The following DMD variants were observed in gnomAD, a reference collection of about 807,000 sequenced individuals.
DMD encodes mutant dystrophin.
A neutral mutation model predicts 330.1 loss-of-function variants in DMD; 63 were observed. That is an observed-to-expected ratio of 0.19 (90% confidence interval 0.16 to 0.24). The LOEUF (loss-of-function observed/expected upper bound fraction) is 0.24, where lower values mean the gene tolerates loss of function less well. Among genes scored for constraint, DMD ranks in the 10% least tolerant of loss-of-function variants. The pLI, the probability that DMD is intolerant of heterozygous loss-of-function variation, is 1.00. For synonymous variants in DMD, 1,223 were observed against 959.8 expected, an observed-to-expected ratio of 1.27 and a Z score of -5.07; for missense variants, 3,344 against 2,684.1, an observed-to-expected ratio of 1.25 and a Z score of -5.43.
At chrX:32,306,936 G>A (rs1255585734) in intron 42 of DMD, among the ~76,000 whole-genome samples, 1 of 110,998 alleles carries the variant, frequency 9.0e-6, no homozygotes, top group East Asian at 2.8e-4. Flanking sequence ...TCTTATTTTT[G>A]TCCTAAAAAT....
chrX:33,246,127 C>T (rs2052659676), intron 1 of DMD, among the ~76,000 whole-genome samples: 1 of 112,184 alleles, frequency 8.9e-6, no homozygotes, highest in Non-Finnish European at 1.9e-5. Context: ...GATAGATGCT[C>T]AATTATGAAT....
chrX:31,480,390 T>C (rs968762285), intron 57 of DMD, among the ~76,000 whole-genome samples: 2 of 111,755 alleles, frequency 1.8e-5, no homozygotes, highest in African/African-American at 6.5e-5. Context: ...ACCAAAATAC[T>C]GGAGTTCTGT....
rs756086514 is a variant in DMD at position 33,065,506 on chromosome X, AT to A, written c.32-45307del. Among the ~76,000 whole-genome samples the A allele has an allele frequency of 5.3e-5, 6 of 112,590 alleles. No homozygotes were observed. The South Asian group carries it at 2.2e-3, about 41-fold the overall frequency. ...AAGCACTTTAGTAGATAAAAAGGAC[AT>A]TTTTGTATCACTTAAAACATTAGGA... is the stretch of plus-strand genomic sequence containing the variant. On this transcript the variant is annotated intron_variant, in intron 1 of 78. Coordinates refer to ENST00000357033, the MANE Select transcript of DMD (RefSeq NM_004006.3).
intron 44 of DMD, among the ~76,000 whole-genome samples, chrX:32,213,969 CA>C (rs1220301857): frequency 9.8e-4 from 93 of 95,218 alleles, no homozygotes; most frequent in South Asian, 1.8e-3. Flanking sequence ...AATTCCATCT[CA>C]AAAAAAAAAA....
chrX:31,189,004 G>A (rs975054092), intron 67 of DMD, among the ~76,000 whole-genome samples: 7 of 110,103 alleles, frequency 6.4e-5, no homozygotes, highest in Admixed American at 2.9e-4. Context: ...CTGGGGTTCC[G>A]AAGAACTTTT....
intron 1 of DMD, among the ~76,000 whole-genome samples, chrX:33,027,276 G>A (rs1448413069): frequency 4.5e-5 from 5 of 111,810 alleles, no homozygotes; most frequent in African/African-American, 9.8e-5. Context: ...GACTTGGTCC[G>A]AGGTGGCTGG....
At chrX:32,746,209 C>T (rs1053820353) in intron 7 of DMD, among the ~76,000 whole-genome samples, 1 of 112,073 alleles carries the variant, frequency 8.9e-6, no homozygotes, top group South Asian at 3.7e-4. Flanking sequence ...CAGAGAATTC[C>T]ATTCCTAACC....
At chrX:32,575,744 C>T (rs1428660379) in intron 13 of DMD, among the ~76,000 whole-genome samples, 2 of 111,593 alleles carry the variant, frequency 1.8e-5, no homozygotes, top group Non-Finnish European at 3.8e-5. Flanking sequence ...TAAACTACAC[C>T]ATCTACCTGA....
chrX:31,747,397 G>A (rs542692265), intron 51 of DMD, among the ~76,000 whole-genome samples: 1 of 111,782 alleles, frequency 8.9e-6, no homozygotes, highest in Admixed American at 9.6e-5. Flanking sequence ...GAGCACAGTG[G>A]CCTTTAACTC....
intron 1 of DMD, among the ~76,000 whole-genome samples, chrX:33,204,615 C>T (rs933190338): frequency 9.0e-6 from 1 of 111,452 alleles, no homozygotes; most frequent in Admixed American, 9.6e-5. Flanking sequence ...ATTTAATATG[C>T]ACATCCTCCT....
chrX:32,732,508 G>A (rs1266433241), intron 7 of DMD, among the ~76,000 whole-genome samples: 1 of 111,247 alleles, frequency 9.0e-6, no homozygotes, highest in Admixed American at 9.5e-5. Flanking sequence ...AGGGCAGCCA[G>A]AGAGAAAGGT....
chrX:31,587,613 T>C (rs1323611410), intron 55 of DMD, among the ~76,000 whole-genome samples: 1 of 111,832 alleles, frequency 8.9e-6, no homozygotes, highest in Admixed American at 9.5e-5. Flanking sequence ...TGGCAGTGAA[T>C]GTATTTTTTT....
intron 21 of DMD, among the ~76,000 whole-genome samples, chrX:32,473,039 G>T (rs146544735): frequency 9.0e-6 from 1 of 110,643 alleles, no homozygotes; most frequent in East Asian, 2.8e-4. Context: ...AAGTTTATAC[G>T]TTTTAAAGTA....
At chrX:32,721,045 A>G (rs1429458139) in intron 7 of DMD, among the ~76,000 whole-genome samples, 1 of 110,098 alleles carries the variant, frequency 9.1e-6, no homozygotes, top group African/African-American at 3.4e-5. Flanking sequence ...AAATGGCACT[A>G]TCTTTTGTGA....
intron 60 of DMD, among the ~76,000 whole-genome samples, chrX:31,427,316 C>A (rs1169495046): frequency 9.0e-6 from 1 of 111,266 alleles, no homozygotes; most frequent in Non-Finnish European, 1.9e-5. Flanking sequence ...AGTCTAAGCT[C>A]AAATGTCACC....
At chrX:33,005,864 C>T (rs980885393) in intron 2 of DMD, among the ~76,000 whole-genome samples, 1 of 110,575 alleles carries the variant, frequency 9.0e-6, no homozygotes, top group Non-Finnish European at 1.9e-5. Flanking sequence ...CTGAAAGAAT[C>T]GAAAAATAAC....
intron 41 of DMD, among the ~76,000 whole-genome samples, chrX:32,339,861 A>C (rs190270840): frequency 8.9e-6 from 1 of 112,117 alleles, no homozygotes; most frequent in Admixed American, 9.5e-5. Flanking sequence ...AAAAGTAAAA[A>C]TCAAACAATT....
intron 44 of DMD, among the ~76,000 whole-genome samples, chrX:32,134,883 T>C (rs1462931280): frequency 8.9e-6 from 1 of 112,165 alleles, no homozygotes; most frequent in Non-Finnish European, 1.9e-5. Flanking sequence ...ATAAATTCCA[T>C]GGGTGCAAAC....
Position 32,565,711 on chromosome X carries a change from A to T in DMD, c.1983T>A (p.Ser661Arg). The change falls in exon 16 of 79, where the codon AGT becomes AGA. Residue 661 changes from serine to arginine, a missense_variant. Transcript: ENST00000357033. ...WDNLVQKLEKSTAQISQAVTT... is the reference protein window; with the variant it reads ...WDNLVQKLEKRTAQISQAVTT... ...AATTGGTATCACTAACCTGTGCTGTACTCTTTTCAAGTTTTTGGACTAAAT... is the reference window on the plus strand; with the variant it reads ...AATTGGTATCACTAACCTGTGCTGTTCTCTTTTCAAGTTTTTGGACTAAAT... The T allele has an allele frequency of 2.5e-6, 3 of 1,210,683 alleles. No homozygotes were observed. Among genetic ancestry groups the T allele is most frequent in the Non-Finnish European group, 3.4e-6 (3 of 894,771 alleles).
Sources: gnomAD v4.1 joint callset for allele counts (sites outside exome capture counted in the v4.1 genomes callset) on GRCh38, gnomAD v4.1.1 for gene constraint, MANE v1.5 for transcripts, NCBI Gene and HGNC (gene_info 2026-07-23, HGNC 2026-07-21) for gene names.